Variants in PRELID2 observed in about 807,000 individuals in gnomAD.
The protein encoded by PRELID2 is PRELI domain containing 2, also known as PRELI domain-containing protein 2.
A neutral mutation model predicts 28.4 loss-of-function variants in PRELID2; 25 were observed. That is an observed-to-expected ratio of 0.88 (90% confidence interval 0.64 to 1.23). The LOEUF (loss-of-function observed/expected upper bound fraction) is 1.23, where lower values mean the gene tolerates loss of function less well. Among genes scored for constraint, PRELID2 ranks in the 50% most tolerant of loss-of-function variants. The pLI is 0.00. For synonymous variants in PRELID2, 76 were observed against 71.6 expected, an observed-to-expected ratio of 1.06 and a Z score of -0.31; for missense variants, 201 against 214.4, an observed-to-expected ratio of 0.94 and a Z score of 0.39.
chr5:145,643,333 G>A (rs1180530478), intron 1 of PRELID2, among the ~76,000 whole-genome samples: 1 of 152,186 alleles, frequency 6.6e-6, no homozygotes, highest in African/African-American at 2.4e-5. Context: ...TGGTGTGTAG[G>A]AATGCTTGTG....
At chr5:145,303,711 C>T in the PRELID2 span, among the ~76,000 whole-genome samples, 1 of 152,188 alleles carries the variant, frequency 6.6e-6, no homozygotes, top group Non-Finnish European at 1.5e-5. Flanking sequence ...ATTGGATTAA[C>T]TGAATTTCCA....
At chr5:145,476,669 T>G (rs62392700) in intron 1 of PRELID2, among the ~76,000 whole-genome samples, 3 of 152,078 alleles carry the variant, frequency 2.0e-5, no homozygotes, top group African/African-American at 4.8e-5. Context: ...AATAAAAATT[T>G]ATTAATTGTT....
At chr5:145,560,442 A>C (rs1319411853) in intron 1 of PRELID2, among the ~76,000 whole-genome samples, 1 of 152,248 alleles carries the variant, frequency 6.6e-6, no homozygotes, top group Non-Finnish European at 1.5e-5. Context: ...TAAGCAGCTT[A>C]CATCCTGTTA....
At chr5:145,251,956 C>T in the PRELID2 span, among the ~76,000 whole-genome samples, 5 of 152,088 alleles carry the variant, frequency 3.3e-5, no homozygotes, top group African/African-American at 1.2e-4. Context: ...TGGTGTTTGA[C>T]CCAAACCCAG....
intron 1 of PRELID2, among the ~76,000 whole-genome samples, chr5:145,540,320 C>G (rs895368331): frequency 6.6e-6 from 1 of 151,846 alleles, no homozygotes; most frequent in Non-Finnish European, 1.5e-5. Context: ...GACTGATAAG[C>G]CTTATAAACA....
At position 145,757,550 on chromosome 5, in the gene PRELID2, A is replaced by G. The variant is rs1243758142; in HGVS notation, c.*2986T>C. On this transcript the variant is annotated 3_prime_UTR_variant, in exon 7 of 7. Coordinates refer to ENST00000683046, the MANE Select transcript of PRELID2 (RefSeq NM_205846.3). ...CACTCTTGTTTCTAGTGTGCCCAAT[A>G]AGCCTGTACTCCTGGTTTTGACATT... Among the ~76,000 whole-genome samples the G allele has an allele frequency of 2.6e-5, 4 of 152,116 alleles. No individual in the cohort carries two copies. Among genetic ancestry groups the G allele is most frequent in the Non-Finnish European group, 5.9e-5 (4 of 68,030 alleles).
chr5:145,475,053 G>C (rs1752087866), intron 1 of PRELID2, among the ~76,000 whole-genome samples: 1 of 152,180 alleles, frequency 6.6e-6, no homozygotes, highest in Non-Finnish European at 1.5e-5. Flanking sequence ...CATAGGACAA[G>C]ACACACAGAT....
At chr5:145,744,906 A>C (rs2149745127) in intron 1 of PRELID2, among the ~76,000 whole-genome samples, 1 of 152,140 alleles carries the variant, frequency 6.6e-6, no homozygotes. Flanking sequence ...GGTAAGAAAA[A>C]ACTGTGCTGA....
intron 1 of PRELID2, among the ~76,000 whole-genome samples, chr5:145,683,485 A>T (rs998323065): frequency 6.6e-6 from 1 of 152,108 alleles, no homozygotes; most frequent in African/African-American, 2.4e-5. Context: ...AGATGTCAGG[A>T]TGTTTGGTTT....
chr5:145,246,217 A>G, the PRELID2 span, among the ~76,000 whole-genome samples: 18 of 152,216 alleles, frequency 1.2e-4, no homozygotes, highest in Admixed American at 9.2e-4. Context: ...CCTACCGCCA[A>G]AAAAGATGTA....
At chr5:145,265,121 A>G in the PRELID2 span, among the ~76,000 whole-genome samples, 1 of 152,118 alleles carries the variant, frequency 6.6e-6, no homozygotes, top group South Asian at 2.1e-4. Flanking sequence ...AAGATACAAA[A>G]TTAATGTATA....
chr5:145,664,437 T>C (rs901802386), intron 1 of PRELID2, among the ~76,000 whole-genome samples: 1 of 152,110 alleles, frequency 6.6e-6, no homozygotes, highest in Non-Finnish European at 1.5e-5. Flanking sequence ...TCCTGGCTCC[T>C]GTTGCCCTCC....
rs1165051706 is a variant in PRELID2, at chr5:145,535,272, T to C, written n.71-61957A>G. Among the ~76,000 whole-genome samples the C allele has an allele frequency of 2.0e-5, 3 of 151,924 alleles. No individual in the cohort carries two copies. The South Asian group carries it at 6.2e-4, about 31-fold the overall frequency. On this transcript the variant is annotated intron_variant and non_coding_transcript_variant, in intron 1 of 2. Transcript: ENST00000510259. ...TTTCAGAGAATTTTTGGAGATTATG[T>C]CCTTAGACTCCCACAAAATAGATAT... is the stretch of plus-strand genomic sequence containing the variant.
At chr5:145,447,070 T>TAAATAAAC in the PRELID2 span, among the ~76,000 whole-genome samples, 2 of 150,092 alleles carry the variant, frequency 1.3e-5, no homozygotes, top group Admixed American at 1.3e-4. Context: ...AATAAATAAA[T>TAAATAAAC]AAATAAATAA....
chr5:145,730,394 C>T (rs1756304352), intron 1 of PRELID2, among the ~76,000 whole-genome samples: 1 of 152,280 alleles, frequency 6.6e-6, no homozygotes, highest in African/African-American at 2.4e-5. Context: ...ACAAGCAGCA[C>T]TAATAACTAG....
intron 3 of PRELID2, chr5:145,819,347 G>A: frequency 6.7e-7 from 1 of 1,502,712 alleles, no homozygotes; most frequent in East Asian, 2.3e-5. Flanking sequence ...CCCTCTATGG[G>A]TCAAGCAATG....
At chr5:145,337,271 G>C in the PRELID2 span, among the ~76,000 whole-genome samples, 1 of 151,944 alleles carries the variant, frequency 6.6e-6, no homozygotes, top group Non-Finnish European at 1.5e-5. Flanking sequence ...CATCAAAACT[G>C]AGATGGTTTT....
chr5:145,574,775 ACCTGTGTATAT>A (rs1480289102), intron 1 of PRELID2, among the ~76,000 whole-genome samples: 1 of 152,104 alleles, frequency 6.6e-6, no homozygotes, highest in Non-Finnish European at 1.5e-5. Context: ...TTCGCATATA[ACCTGTGTATAT>A]CCTCCTGTAT....
downstream of PRELID2, chr5:145,471,657 G>A (rs1039567917): frequency 4.6e-5 from 7 of 151,364 alleles, no homozygotes; most frequent in Admixed American, 4.0e-4. Flanking sequence ...CTTGCCTATC[G>A]GTGTATATAT....
Sources: gnomAD v4.1 joint callset for allele counts (sites outside exome capture counted in the v4.1 genomes callset) on GRCh38, gnomAD v4.1.1 for gene constraint, MANE v1.5 for transcripts, NCBI Gene and HGNC (gene_info 2026-07-23, HGNC 2026-07-21) for gene names.